The following SMYD3 variants were observed in gnomAD, a reference collection of about 807,000 sequenced individuals.
SMYD3 encodes the protein histone-lysine N-methyltransferase SMYD3.
SMYD3 carries 36 observed loss-of-function variants against 57.7 expected under a neutral mutation model. That is an observed-to-expected ratio of 0.62 (90% CI 0.48 to 0.82). The LOEUF is 0.82. SMYD3 is among the 40% of genes least tolerant of loss of function. The pLI, the probability that SMYD3 is intolerant of heterozygous loss-of-function variation, is 0.00. For missense variants in SMYD3, 515 were observed against 538.8 expected (o/e 0.96, Z 0.44); for synonymous variants, 211 against 195.0 (o/e 1.08, Z -0.68).
At chr1:246,105,080 G>T (rs1208551912) in intron 5 of SMYD3, among the ~76,000 whole-genome samples, 3 of 152,100 alleles carry the variant, frequency 2.0e-5, no homozygotes. Context: ...GGACATTCTG[G>T]CCACACCATC....
intron 1 of SMYD3, among the ~76,000 whole-genome samples, chr1:246,477,088 T>C (rs1327859370): frequency 6.6e-6 from 1 of 152,232 alleles, no homozygotes; most frequent in African/African-American, 2.4e-5. Flanking sequence ...TTTTCTTCTT[T>C]CAATCTAGAC....
intron 11 of SMYD3, among the ~76,000 whole-genome samples, chr1:245,760,706 G>A (rs2045809788): frequency 6.6e-6 from 1 of 152,184 alleles, no homozygotes; most frequent in South Asian, 2.1e-4. Flanking sequence ...GGTCCCTTGA[G>A]GGATTCCCAC....
chr1:246,177,118 A>G (rs2062447998), intron 5 of SMYD3, among the ~76,000 whole-genome samples: 1 of 152,204 alleles, frequency 6.6e-6, no homozygotes, highest in Non-Finnish European at 1.5e-5. Flanking sequence ...TTTTCAAAAC[A>G]CAAGAGCCAC....
chr1:245,909,913 A>T (rs1041984474), intron 8 of SMYD3, among the ~76,000 whole-genome samples: 2 of 152,150 alleles, frequency 1.3e-5, no homozygotes, highest in African/African-American at 4.8e-5. Flanking sequence ...CAAGACAAAG[A>T]TGTCCACTTT....
At chr1:245,923,172 G>A (rs1022655042) in intron 7 of SMYD3, among the ~76,000 whole-genome samples, 2 of 151,980 alleles carry the variant, frequency 1.3e-5, no homozygotes, top group Admixed American at 6.6e-5. Context: ...AAAATGTTTC[G>A]TTTGTGATAT....
At chr1:245,835,028 C>T (rs749389406) in intron 10 of SMYD3, among the ~76,000 whole-genome samples, 1 of 151,944 alleles carries the variant, frequency 6.6e-6, no homozygotes, top group Non-Finnish European at 1.5e-5. Flanking sequence ...AAATTTGTCA[C>T]CTTTTACCAA....
intron 10 of SMYD3, among the ~76,000 whole-genome samples, chr1:245,795,037 T>G (rs1023960545): frequency 6.6e-6 from 1 of 152,230 alleles, no homozygotes; most frequent in African/African-American, 2.4e-5. Flanking sequence ...CATTTAGGTG[T>G]GCATGTTCAT....
chr1:246,445,564 G>A (rs921557286), intron 1 of SMYD3, among the ~76,000 whole-genome samples: 1 of 152,090 alleles, frequency 6.6e-6, no homozygotes, highest in African/African-American at 2.4e-5. Context: ...ATTTCTAAAT[G>A]CATTTAAGAT....
intron 1 of SMYD3, among the ~76,000 whole-genome samples, chr1:246,450,487 G>C (rs1445128694): frequency 6.6e-6 from 1 of 152,148 alleles, no homozygotes; most frequent in African/African-American, 2.4e-5. Context: ...CCCACCCCAA[G>C]ATGGCAGTGA....
intron 8 of SMYD3, among the ~76,000 whole-genome samples, chr1:245,870,400 C>T (rs375089684): frequency 3.9e-5 from 6 of 152,122 alleles, no homozygotes; most frequent in South Asian, 2.1e-4. Context: ...CTGACAATCG[C>T]GTCAAGGGTT....
rs115099412 is a variant in SMYD3, at chr1:246,432,787, C to T, written c.164+74267G>A. ...TCACACTCATCATTACAAAACATTC[C>T]GAAAGCTTTTTTTAATAAGTTTTCA... On this transcript the variant is annotated intron_variant, in intron 1 of 11. Transcript: ENST00000490107. 3.1e-3 allele frequency among the ~76,000 whole-genome samples: 472 copies of T among 152,212 alleles called. 1 individual carries two copies. The highest frequency in any genetic ancestry group is 9.5e-3 in the African/African-American group (395 of 41,534).
chr1:245,782,216 T>C (rs150696009), intron 10 of SMYD3, among the ~76,000 whole-genome samples: 1 of 152,318 alleles, frequency 6.6e-6, no homozygotes, highest in East Asian at 1.9e-4. Context: ...CAAATTACTG[T>C]AGTTCCTTTA....
intron 1 of SMYD3, among the ~76,000 whole-genome samples, chr1:246,499,401 T>TACACACAC (rs74163453): frequency 1.5e-4 from 22 of 145,868 alleles, no homozygotes; most frequent in African/African-American, 5.3e-4. Context: ...CCATCAAATA[T>TACACACAC]ACACACACAC....
At chr1:245,949,277 A>G (rs983191028) in intron 5 of SMYD3, among the ~76,000 whole-genome samples, 6 of 152,152 alleles carry the variant, frequency 3.9e-5, no homozygotes, top group African/African-American at 1.4e-4. Context: ...CAGTGTACAC[A>G]GCCTTGAGGC....
At chr1:245,824,348 G>A (rs760154473) in intron 10 of SMYD3, among the ~76,000 whole-genome samples, 13 of 152,338 alleles carry the variant, frequency 8.5e-5, no homozygotes, top group African/African-American at 1.4e-4. Flanking sequence ...TGAATGGATC[G>A]ATGATTGGAT....
chr1:245,895,455 C>A (rs2148596883), intron 8 of SMYD3, among the ~76,000 whole-genome samples: 1 of 152,218 alleles, frequency 6.6e-6, no homozygotes. Context: ...CATCATCCCA[C>A]CAGGAGACAG....
chr1:246,459,346 A>T (rs1299565918), intron 1 of SMYD3, among the ~76,000 whole-genome samples: 3 of 133,146 alleles, frequency 2.3e-5, no homozygotes, highest in Non-Finnish European at 4.8e-5. Flanking sequence ...GATCTTATTT[A>T]AAAGTGTGTA....
chr1:246,415,502 A>G (rs2067048642), intron 1 of SMYD3, among the ~76,000 whole-genome samples: 1 of 152,218 alleles, frequency 6.6e-6, no homozygotes, highest in Admixed American at 6.5e-5. Flanking sequence ...TGAGGTAAAT[A>G]GTCCCAGGTC....
In SMYD3 at chr1:246,154,598, C is replaced by T. The variant is rs111299582; in HGVS notation, c.531+172603G>A. ...TTTAGTAATTTTCAAAGCAGTTGTG[C>T]AGGAAGATTTCCTGAACTATGAAAG... is the stretch of plus-strand genomic sequence containing the variant. On this transcript the variant is annotated intron_variant, in intron 5 of 11. Transcript: ENST00000490107. Among the ~76,000 whole-genome samples the T allele has an allele frequency of 1.6e-3, 238 of 152,212 alleles. 1 individual carries two copies. The highest frequency in any genetic ancestry group is 5.3e-3 in the African/African-American group (220 of 41,520).
Sources: allele counts gnomAD v4.1 joint callset (sites outside exome capture counted in the v4.1 genomes callset), GRCh38; gene constraint gnomAD v4.1.1; transcripts MANE v1.5; gene names NCBI Gene and HGNC (gene_info 2026-07-23, HGNC 2026-07-21).